The following RXRA variants were observed in gnomAD, a reference collection of about 807,000 sequenced individuals.
The protein encoded by RXRA is retinoic acid receptor RXR-alpha.
Under a neutral mutation model 44.5 loss-of-function variants are expected in RXRA, and 5 were observed. The ratio of observed to expected loss-of-function variants is 0.11; its 90% confidence interval spans 0.06 to 0.24. The LOEUF (loss-of-function observed/expected upper bound fraction) is 0.24, where lower values mean the gene tolerates loss of function less well. Ranked by LOEUF, RXRA falls within the 10% of genes least tolerant of loss-of-function variation. The pLI, the probability that RXRA is intolerant of heterozygous loss-of-function variation, is 1.00. For missense variants in RXRA, 412 were observed against 646.5 expected (o/e 0.64, Z 3.93); for synonymous variants, 291 against 271.4 (o/e 1.07, Z -0.71).
intron 6 of RXRA, chr9:134,422,579 C>A: frequency 8.6e-7 from 1 of 1,158,070 alleles, no homozygotes; most frequent in Non-Finnish European, 1.1e-6. Flanking sequence ...GGGACACTCC[C>A]CTCTCCCGGG....
intron 6 of RXRA, chr9:134,424,803 G>A (rs1293183037): frequency 2.0e-6 from 2 of 985,484 alleles, no homozygotes; most frequent in African/African-American, 1.7e-5. Context: ...AGGGGGCTCA[G>A]GTCAGGATCC....
Position 134,426,057 on chromosome 9 carries a change from C to T in RXRA, c.911-3051C>T. ...CCAGCAGAGGCCCTGAGCGTTTGGGCAGGGCCACGAGGGATCTGCAGGAGT... is the reference window on the plus strand; with the variant it reads ...CCAGCAGAGGCCCTGAGCGTTTGGGTAGGGCCACGAGGGATCTGCAGGAGT... On this transcript the variant is annotated intron_variant, in intron 6 of 9. Coordinates refer to ENST00000481739, the MANE Select transcript of RXRA (RefSeq NM_002957.6). This position sits in a 1 kb window ranked among gnomAD's most constrained non-coding sequence, Gnocchi z 4.6. 1 of 985,404 alleles carries T rather than the reference C, an allele frequency of 1.0e-6. No individual in the cohort carries two copies. The highest frequency in any genetic ancestry group is 1.2e-6 in the Non-Finnish European group (1 of 829,914). The allele number at this position is 985,404 out of a possible 1,614,324, so 61.0% of individuals were successfully genotyped here. A position where few individuals can be genotyped will look rare whatever the true frequency, so the allele number is the denominator to read the frequency against.
Position 134,343,397 on chromosome 9 carries a change from G to T in RXRA, c.28+16738G>T, listed in dbSNP as rs1171896539. On this transcript the variant is annotated intron_variant, in intron 1 of 9. Coordinates refer to ENST00000481739, the MANE Select transcript of RXRA (RefSeq NM_002957.6). This position sits in a 1 kb window ranked among gnomAD's most constrained non-coding sequence, Gnocchi z 4.1. ...GGAGTTTCTTCTTCTGGGTTCTGGG[G>T]GTTCATGCAGGATTGCCCGTCAGCA... Among the ~76,000 whole-genome samples the T allele has an allele frequency of 2.0e-5, 3 of 152,102 alleles. No homozygotes were observed. The highest frequency in any genetic ancestry group is 4.4e-5 in the Non-Finnish European group (3 of 68,004).
chr9:134,383,731 A>G (rs1830679533), intron 1 of RXRA, among the ~76,000 whole-genome samples: 1 of 152,080 alleles, frequency 6.6e-6, no homozygotes, highest in Non-Finnish European at 1.5e-5. Context: ...TTGGGAATAA[A>G]GCTTCGACCT....
intron 1 of RXRA, among the ~76,000 whole-genome samples, chr9:134,395,524 A>T (rs2119130187): frequency 6.6e-6 from 1 of 152,298 alleles, no homozygotes; most frequent in Non-Finnish European, 1.5e-5. Flanking sequence ...TGCGGGCTGC[A>T]GTGAAGGAGA....
At chr9:134,374,483 T>A (rs529444054) in intron 1 of RXRA, among the ~76,000 whole-genome samples, 8 of 152,302 alleles carry the variant, frequency 5.3e-5, no homozygotes, top group Admixed American at 2.0e-4. Context: ...GTCACAGGGA[T>A]CCTGGCTCTC....
In RXRA at chr9:134,423,088, C is replaced by T; in HGVS notation, c.910+1283C>T. ...GTTGGCAGTGGAAGCCTGGATGGGG[C>T]AGGCCCCCCGCAAAGCTGGTCCCCC... On this transcript the variant is annotated intron_variant, in intron 6 of 9. Transcript: ENST00000481739. The T allele has an allele frequency of 4.1e-6, 4 of 985,460 alleles. 1 individual carries two copies. In the South Asian group the frequency reaches 1.9e-4, roughly 46 times the overall value. 61.0% of individuals were successfully genotyped at this position (985,460 alleles called of 1,614,324 possible). A position where few individuals can be genotyped will look rare whatever the true frequency, so the allele number is the denominator to read the frequency against.
intron 1 of RXRA, among the ~76,000 whole-genome samples, chr9:134,390,167 G>A (rs1830779093): frequency 2.6e-5 from 4 of 152,188 alleles, no homozygotes; most frequent in South Asian, 4.1e-4. Context: ...GGTGCAGGGT[G>A]GAGTCCGCTC....
rs2119041147 is a variant in RXRA at position 134,349,845 on chromosome 9, T to C, written c.28+23186T>C. On this transcript the variant is annotated intron_variant, in intron 1 of 9. Transcript: ENST00000481739. The surrounding 1 kb of genome is among the most constrained non-coding windows in gnomAD (Gnocchi z 4.3). ...GGGTGGGCGGGCGGGTGCCGCAGGC[T>C]CTCCTGTGGTAGGAGTCGGGTGGAC... Among the ~76,000 whole-genome samples the C allele has an allele frequency of 6.6e-6, 1 of 152,150 alleles. No homozygotes were observed. The highest frequency in any genetic ancestry group is 1.5e-5 in the Non-Finnish European group (1 of 67,974).
At chr9:134,335,867 C>A (rs1554747217) in intron 1 of RXRA, among the ~76,000 whole-genome samples, 1 of 152,178 alleles carries the variant, frequency 6.6e-6, no homozygotes, top group Non-Finnish European at 1.5e-5. Context: ...CCCTGTAGTG[C>A]CCTGTGGTCC....
intron 1 of RXRA, among the ~76,000 whole-genome samples, chr9:134,354,625 C>T (rs1830261555): frequency 6.6e-6 from 1 of 152,230 alleles, no homozygotes; most frequent in African/African-American, 2.4e-5. Context: ...CTGTTGTGCC[C>T]CAGGGTGAGC....
chr9:134,421,098 C>T (rs1831322410), intron 5 of RXRA, among the ~76,000 whole-genome samples: 1 of 152,256 alleles, frequency 6.6e-6, no homozygotes, highest in African/African-American at 2.4e-5. Flanking sequence ...CAGCTCGCCG[C>T]ACCTGCCTTC....
At chr9:134,434,959 C>T (rs1300909395) in intron 9 of RXRA, among the ~76,000 whole-genome samples, 1 of 152,216 alleles carries the variant, frequency 6.6e-6, no homozygotes, top group Non-Finnish European at 1.5e-5. Flanking sequence ...TCCCCGCTGC[C>T]TGCCCAGCCC....
chr9:134,349,563 C>G lies in RXRA; in HGVS notation c.28+22904C>G, dbSNP rs1195879303. Among the ~76,000 whole-genome samples the G allele has an allele frequency of 1.3e-5, 2 of 152,176 alleles. No homozygotes were observed. The highest frequency in any genetic ancestry group is 4.8e-5 in the African/African-American group (2 of 41,446). On this transcript the variant is annotated intron_variant, in intron 1 of 9. Transcript: ENST00000481739. This position sits in a 1 kb window ranked among gnomAD's most constrained non-coding sequence, Gnocchi z 4.3. ...GTGTGCACGGACAGGGACCCAGCAACTTGGCGAGCATGGGCCAGACAGGGG... is the reference window on the plus strand; with the variant it reads ...GTGTGCACGGACAGGGACCCAGCAAGTTGGCGAGCATGGGCCAGACAGGGG...
At chr9:134,367,276 C>T in intron 1 of RXRA, among the ~76,000 whole-genome samples, 1 of 152,182 alleles carries the variant, frequency 6.6e-6, no homozygotes, top group East Asian at 1.9e-4. Flanking sequence ...TGATCTCCCT[C>T]CATCTTCACA....
intron 1 of RXRA, among the ~76,000 whole-genome samples, chr9:134,385,811 G>A (rs909355537): frequency 3.9e-5 from 6 of 152,260 alleles, no homozygotes; most frequent in African/African-American, 1.4e-4. Flanking sequence ...AATGGGCCCA[G>A]CCAGGTCACC....
At chr9:134,413,146 G>C (rs1314820814) in intron 4 of RXRA, among the ~76,000 whole-genome samples, 1 of 152,212 alleles carries the variant, frequency 6.6e-6, no homozygotes, top group African/African-American at 2.4e-5. Flanking sequence ...CAGTCCTCAG[G>C]TTCCTCATCT....
chr9:134,331,876 C>G (rs1362959086), intron 1 of RXRA, among the ~76,000 whole-genome samples: 1 of 152,216 alleles, frequency 6.6e-6, no homozygotes, highest in African/African-American at 2.4e-5. Flanking sequence ...CCTCCTGCCT[C>G]TCAGCATCCT....
At chr9:134,425,161 C>T (rs746035024) in intron 6 of RXRA, 69 of 985,296 alleles carry the variant, frequency 7.0e-5, no homozygotes, top group Non-Finnish European at 8.3e-5. Context: ...GGCCACAGCC[C>T]TGCAGGGGCC....
Sources: allele counts gnomAD v4.1 joint callset (sites outside exome capture counted in the v4.1 genomes callset), GRCh38; gene constraint gnomAD v4.1.1; non-coding constraint Gnocchi (gnomAD v3.1); transcripts MANE v1.5; gene names NCBI Gene and HGNC (gene_info 2026-07-23, HGNC 2026-07-21).